The following DLG2 variants were observed in gnomAD, a reference collection of about 807,000 sequenced individuals.
DLG2 encodes the protein discs large MAGUK scaffold protein 2, also known as disks large homolog 2.
In DLG2, 45 loss-of-function variants were observed where a neutral mutation model predicts 132.5. That is an observed-to-expected ratio of 0.34 (90% CI 0.27 to 0.44). DLG2 has a LOEUF of 0.44. DLG2 is among the 20% of genes least tolerant of loss of function. The pLI is 1.00. For missense variants in DLG2, 1,045 were observed against 1,196.9 expected (o/e 0.87, Z 1.87); for synonymous variants, 424 against 419.6 (o/e 1.01, Z -0.13).
chr11:84,070,558 C>T (rs2096740965), intron 10 of DLG2, among the ~76,000 whole-genome samples: 1 of 152,190 alleles, frequency 6.6e-6, no homozygotes, highest in Non-Finnish European at 1.5e-5. Context: ...AAATCTACTC[C>T]AATCCCAGAA....
intron 17 of DLG2, among the ~76,000 whole-genome samples, chr11:83,788,622 A>T (rs2040662419): frequency 6.6e-6 from 1 of 152,240 alleles, no homozygotes; most frequent in Non-Finnish European, 1.5e-5. Flanking sequence ...GCCAGAAGAG[A>T]CAGGAAAGGT....
chr11:84,869,291 G>C (rs1284450031), intron 6 of DLG2, among the ~76,000 whole-genome samples: 1 of 152,170 alleles, frequency 6.6e-6, no homozygotes, highest in Admixed American at 6.5e-5. Flanking sequence ...TATTTAGTAA[G>C]AGGCTTGCTT....
intron 4 of DLG2, among the ~76,000 whole-genome samples, chr11:85,275,724 T>A (rs1595885234): frequency 1.3e-5 from 2 of 152,182 alleles, no homozygotes; most frequent in African/African-American, 4.8e-5. Context: ...GACAGTAATA[T>A]AATTCATTTA....
At chr11:83,859,687 A>C (rs2061123277) in intron 16 of DLG2, among the ~76,000 whole-genome samples, 1 of 152,266 alleles carries the variant, frequency 6.6e-6, no homozygotes, top group Non-Finnish European at 1.5e-5. Context: ...AGCCAGCTGC[A>C]GAAATTTGCA....
At chr11:84,128,620 T>C (rs1317029735) in intron 9 of DLG2, among the ~76,000 whole-genome samples, 1 of 152,160 alleles carries the variant, frequency 6.6e-6, no homozygotes, top group Non-Finnish European at 1.5e-5. Flanking sequence ...TTTTTCGGTC[T>C]GCATTGGGAT....
intron 3 of DLG2, among the ~76,000 whole-genome samples, chr11:85,457,569 C>G (rs142580096): frequency 6.6e-6 from 1 of 152,252 alleles, no homozygotes; most frequent in African/African-American, 2.4e-5. Context: ...TTTGTAGTGG[C>G]TGGTAATGGT....
At chr11:84,413,542 C>G (rs543322923) in intron 7 of DLG2, among the ~76,000 whole-genome samples, 13 of 152,260 alleles carry the variant, frequency 8.5e-5, no homozygotes, top group Admixed American at 2.6e-4. Flanking sequence ...TGTAAACTCA[C>G]CTGCAAGACA....
At chr11:84,557,046 C>A (rs964659340) in intron 6 of DLG2, among the ~76,000 whole-genome samples, 74 of 152,228 alleles carry the variant, frequency 4.9e-4, no homozygotes, top group African/African-American at 1.8e-3. Flanking sequence ...CTGTATAATT[C>A]CCTGTTTTCC....
At chr11:84,689,297 A>G (rs994292040) in intron 6 of DLG2, among the ~76,000 whole-genome samples, 1 of 152,056 alleles carries the variant, frequency 6.6e-6, no homozygotes, top group African/African-American at 2.4e-5. Flanking sequence ...TGGGACCAAC[A>G]TTCAGAATGG....
intron 18 of DLG2, among the ~76,000 whole-genome samples, chr11:83,667,774 T>C (rs1338007300): frequency 2.0e-5 from 3 of 151,394 alleles, no homozygotes; most frequent in African/African-American, 4.9e-5. Flanking sequence ...GGTCAGGAGA[T>C]TGAGACCATC....
intron 3 of DLG2, among the ~76,000 whole-genome samples, chr11:85,420,049 T>C (rs1017049019): frequency 6.6e-6 from 1 of 152,210 alleles, no homozygotes; most frequent in African/African-American, 2.4e-5. Context: ...TTTGTGCTGG[T>C]TTTTCCCCAT....
chr11:84,545,711 AT>A, intron 6 of DLG2: 1 of 256,762 alleles, frequency 3.9e-6, no homozygotes, highest in Non-Finnish European at 7.6e-6. Flanking sequence ...AGTCACTTCA[AT>A]TTTCCCACAT....
chr11:85,457,913 G>A (rs1001413997), intron 3 of DLG2, among the ~76,000 whole-genome samples: 3 of 151,886 alleles, frequency 2.0e-5, no homozygotes, highest in Admixed American at 6.6e-5. Flanking sequence ...TATGTGTCTC[G>A]GGGATGGTCC....
chr11:84,709,268 T>G (rs961033822), intron 6 of DLG2, among the ~76,000 whole-genome samples: 4 of 151,962 alleles, frequency 2.6e-5, no homozygotes, highest in Admixed American at 1.3e-4. Flanking sequence ...TATGGTCTGG[T>G]TGACACAGTT....
chr11:83,769,891 G>A (rs1221606015), intron 18 of DLG2, among the ~76,000 whole-genome samples: 1 of 152,016 alleles, frequency 6.6e-6, no homozygotes, highest in African/African-American at 2.4e-5. Flanking sequence ...AGTAAAGGTG[G>A]GTTCCAGTGG....
At position 83,457,089 on chromosome 11, in the gene DLG2, CT is replaced by C. The variant is rs1321146555; in HGVS notation, c.*2728del. 6.6e-6 allele frequency: 1 copy of C among 152,630 alleles called. No individual in the cohort carries two copies. The highest frequency in any genetic ancestry group is 1.5e-5 in the Non-Finnish European group (1 of 68,046). The allele number at this position is 152,630 out of a possible 1,614,324, so 9.5% of individuals were successfully genotyped here. ...ATAGCACCAGTTACACGATCTGGCA[CT>C]TTTCTGAAAGGGCCCAGCATGTGTG... On this transcript the variant is annotated 3_prime_UTR_variant, in exon 28 of 28. Coordinates refer to ENST00000376104, the MANE Select transcript of DLG2 (RefSeq NM_001142699.3).
chr11:84,559,595 C>T (rs771402890), intron 6 of DLG2, among the ~76,000 whole-genome samples: 1 of 152,012 alleles, frequency 6.6e-6, no homozygotes, highest in Non-Finnish European at 1.5e-5. Context: ...GCTCTCCATC[C>T]AGAGCTACGA....
chr11:85,322,923 C>T (rs61909369), intron 3 of DLG2, among the ~76,000 whole-genome samples: 1 of 152,188 alleles, frequency 6.6e-6, no homozygotes, highest in African/African-American at 2.4e-5. Context: ...TGTTTCTACC[C>T]TTTAAATAGG....
In DLG2 at chr11:85,142,718, T is replaced by C. The variant is rs972161572; in HGVS notation, c.282+11838A>G. Among the ~76,000 whole-genome samples the C allele has an allele frequency of 3.3e-5, 5 of 151,854 alleles. No individual in the cohort carries two copies. In the South Asian group the frequency reaches 8.3e-4, roughly 25 times the overall value. On this transcript the variant is annotated intron_variant, in intron 5 of 27. Coordinates refer to ENST00000376104, the MANE Select transcript of DLG2 (RefSeq NM_001142699.3). ...GGAGTCTAGCATACATAGCTTTTAA[T>C]TGTGTTGAGGTATGTTCCCTCTATG...
Sources: gnomAD v4.1 joint callset for allele counts (sites outside exome capture counted in the v4.1 genomes callset) on GRCh38, gnomAD v4.1.1 for gene constraint, MANE v1.5 for transcripts, NCBI Gene and HGNC (gene_info 2026-07-23, HGNC 2026-07-21) for gene names.